Variants in DPYD observed in about 807,000 individuals in gnomAD.
DPYD encodes dihydropyrimidine dehydrogenase [NADP(+)].
Under a neutral mutation model 116.2 loss-of-function variants are expected in DPYD, and 109 were observed. The observed-to-expected ratio is 0.94, with a 90% CI of 0.80 to 1.10. The LOEUF is 1.10. DPYD is among the 50% of genes least tolerant of loss of function. DPYD has a pLI of 0.00. For synonymous variants in DPYD, 440 were observed against 432.0 expected (o/e 1.02, Z -0.23); for missense variants, 1,302 against 1,254.5 (o/e 1.04, Z -0.57).
At chr1:97,672,602 T>G (rs949320613) in intron 8 of DPYD, among the ~76,000 whole-genome samples, 4 of 152,202 alleles carry the variant, frequency 2.6e-5, no homozygotes, top group African/African-American at 9.6e-5. Context: ...TAGTTGTGGA[T>G]AGTGACTAAA....
rs181234186 is a variant in DPYD, at chr1:97,703,288, T to C, written c.484-3741A>G. ...ATGGTATATTTTTAGAAGTATGGCA[T>C]TGAAACGAGACTCTTGGGGTTGAGT... On this transcript the variant is annotated intron_variant, in intron 5 of 22. Coordinates refer to ENST00000370192, the MANE Select transcript of DPYD (RefSeq NM_000110.4). Among the ~76,000 whole-genome samples, 102 of 152,154 alleles carry C rather than the reference T, an allele frequency of 6.7e-4. 1 individual carries two copies. The highest frequency in any genetic ancestry group is 6.8e-3 in the Middle Eastern group (2 of 294).
intron 19 of DPYD, among the ~76,000 whole-genome samples, chr1:97,228,596 T>G (rs1322797968): frequency 6.6e-6 from 1 of 152,188 alleles, no homozygotes; most frequent in Non-Finnish European, 1.5e-5. Context: ...TATATTACTA[T>G]TTCTACACCC....
chr1:97,104,235 T>C (rs556482217), intron 20 of DPYD, among the ~76,000 whole-genome samples: 116 of 152,256 alleles, frequency 7.6e-4, no homozygotes, highest in African/African-American at 2.6e-3. Context: ...AATGAATGAA[T>C]GAATATCTTG....
intron 8 of DPYD, among the ~76,000 whole-genome samples, chr1:97,624,374 C>T (rs1414924838): frequency 6.6e-6 from 1 of 151,888 alleles, no homozygotes; most frequent in Non-Finnish European, 1.5e-5. Flanking sequence ...GAAAATTATC[C>T]TCAATATCAC....
intron 16 of DPYD, among the ~76,000 whole-genome samples, chr1:97,368,941 A>G (rs1213212281): frequency 6.6e-6 from 1 of 152,174 alleles, no homozygotes; most frequent in Non-Finnish European, 1.5e-5. Flanking sequence ...TTTGCCACCT[A>G]TTGTTGGCAA....
chr1:97,356,931 GAGTTCAGAATC>G (rs1161639801), intron 16 of DPYD, among the ~76,000 whole-genome samples: 9 of 152,158 alleles, frequency 5.9e-5, no homozygotes, highest in Non-Finnish European at 1.2e-4. Flanking sequence ...CTTGGTGGTA[GAGTTCAGAATC>G]AGTTAGTATG....
At chr1:97,718,097 T>C (rs1368652415) in intron 5 of DPYD, among the ~76,000 whole-genome samples, 1 of 152,040 alleles carries the variant, frequency 6.6e-6, no homozygotes, top group Non-Finnish European at 1.5e-5. Flanking sequence ...AATGTGAAAG[T>C]ATTCCCTTTT....
chr1:97,423,108 C>A (rs1439622713), intron 14 of DPYD, among the ~76,000 whole-genome samples: 2 of 151,818 alleles, frequency 1.3e-5, no homozygotes, highest in East Asian at 3.9e-4. Context: ...GAGTGAAATG[C>A]TGTCATGGAA....
At chr1:97,825,116 T>A (rs1378665923) in intron 3 of DPYD, among the ~76,000 whole-genome samples, 1 of 152,152 alleles carries the variant, frequency 6.6e-6, no homozygotes, top group African/African-American at 2.4e-5. Context: ...CAGAGAAGGT[T>A]GTAACCCCTC....
intron 19 of DPYD, among the ~76,000 whole-genome samples, chr1:97,205,084 T>C (rs1302411984): frequency 2.6e-5 from 4 of 152,034 alleles, no homozygotes; most frequent in African/African-American, 9.7e-5. Flanking sequence ...ACCCCCAAAC[T>C]CGGCACCTTC....
rs2101792083 is a variant in DPYD, at chr1:97,450,078, T to A, written c.1886A>T (p.Lys629Met). 6.2e-7 allele frequency: 1 copy of A among 1,613,972 alleles called. No individual in the cohort carries two copies. Residue 629 changes from lysine (K) to methionine (M), a missense_variant, in exon 14 of 23, where the codon AAG becomes ATG. Lys to Met is a moderately conservative substitution (Grantham distance 95). Transcript: ENST00000370192. ...ACTTACGTTGTCTGGAAAGTCAGCC[T>A]TTAGTTCAGTGACACTTTGACACCA... is the stretch of plus-strand genomic sequence containing the variant. The part of the protein sequence containing the change: ...AYWCQSVTEL[K>M]ADFPDNIVIA...
chr1:97,229,659 C>A (rs1201660703), intron 19 of DPYD, among the ~76,000 whole-genome samples: 4 of 148,410 alleles, frequency 2.7e-5, no homozygotes, highest in Admixed American at 6.7e-5. Context: ...AAAAATCTGA[C>A]TCAAGCTAAT....
chr1:97,503,285 A>G (rs1483744846), intron 13 of DPYD, among the ~76,000 whole-genome samples: 1 of 152,058 alleles, frequency 6.6e-6, no homozygotes, highest in Non-Finnish European at 1.5e-5. Context: ...TTTAAAAGCC[A>G]TATACTAAGT....
intron 3 of DPYD, among the ~76,000 whole-genome samples, chr1:97,805,778 C>T (rs547275732): frequency 6.6e-6 from 1 of 151,740 alleles, no homozygotes; most frequent in South Asian, 2.1e-4. Context: ...TAATGATCAC[C>T]GGCACAGGCG....
chr1:97,370,570 A>G (rs1000070903), intron 16 of DPYD, among the ~76,000 whole-genome samples: 1 of 152,172 alleles, frequency 6.6e-6, no homozygotes, highest in Non-Finnish European at 1.5e-5. Context: ...TGTATCCCAG[A>G]ACTTAAAGCA....
At chr1:97,117,332 A>G (rs1470920267) in intron 20 of DPYD, among the ~76,000 whole-genome samples, 2 of 152,228 alleles carry the variant, frequency 1.3e-5, no homozygotes, top group African/African-American at 4.8e-5. Context: ...GAACGTATGG[A>G]TGAAGAAAGA....
chr1:97,915,332 A>G (rs1221894317), intron 1 of DPYD, among the ~76,000 whole-genome samples: 1 of 152,182 alleles, frequency 6.6e-6, no homozygotes, highest in Non-Finnish European at 1.5e-5. Context: ...AAAAGTACTT[A>G]ATTCCTCAAT....
chr1:97,628,459 G>A (rs1657064075), intron 8 of DPYD, among the ~76,000 whole-genome samples: 1 of 152,100 alleles, frequency 6.6e-6, no homozygotes, highest in South Asian at 2.1e-4. Flanking sequence ...CTAGTGATAA[G>A]AGAAGATGCC....
intron 6 of DPYD, among the ~76,000 whole-genome samples, chr1:97,695,981 TTAGCCAGGCA>T (rs1326357746): frequency 4.0e-5 from 6 of 151,586 alleles, no homozygotes; most frequent in African/African-American, 1.5e-4. Context: ...AATACAAAAA[TTAGCCAGGCA>T]TGGTGGTGCA....
Sources: gnomAD v4.1 joint callset for allele counts (sites outside exome capture counted in the v4.1 genomes callset) on GRCh38, gnomAD v4.1.1 for gene constraint, MANE v1.5 for transcripts, NCBI Gene and HGNC (gene_info 2026-07-23, HGNC 2026-07-21) for gene names.